The following PDSS2 variants were observed in gnomAD, a reference collection of about 807,000 sequenced individuals.
PDSS2 encodes the protein decaprenyl diphosphate synthase subunit 2.
A neutral mutation model predicts 44.5 loss-of-function variants in PDSS2; 31 were observed. That is an observed-to-expected ratio of 0.70 (90% CI 0.52 to 0.94). The LOEUF is 0.94. Among genes scored for constraint, PDSS2 ranks in the 40% least tolerant of loss-of-function variants. PDSS2 has a pLI of 0.00. For synonymous variants in PDSS2, 157 were observed against 180.3 expected, an observed-to-expected ratio of 0.87 and a Z score of 1.03; for missense variants, 452 against 482.2, an observed-to-expected ratio of 0.94 and a Z score of 0.59.
At chr6:107,277,384 G>A (rs1775818890) in intron 2 of PDSS2, among the ~76,000 whole-genome samples, 1 of 152,224 alleles carries the variant, frequency 6.6e-6, no homozygotes, top group African/African-American at 2.4e-5. Flanking sequence ...ACAGTAAAGG[G>A]ACTGTGTGGA....
At chr6:107,266,887 G>A (rs1483625169) in intron 3 of PDSS2, among the ~76,000 whole-genome samples, 3 of 152,002 alleles carry the variant, frequency 2.0e-5, no homozygotes, top group Non-Finnish European at 2.9e-5. Flanking sequence ...TGGGAGTAAA[G>A]CTTCCATTTT....
chr6:107,356,419 GA>G (rs1778598835), intron 1 of PDSS2, among the ~76,000 whole-genome samples: 1 of 152,174 alleles, frequency 6.6e-6, no homozygotes, highest in South Asian at 2.1e-4. Context: ...CAACAGTAAT[GA>G]AAATTCAGGT....
intron 1 of PDSS2, among the ~76,000 whole-genome samples, chr6:107,354,329 T>G (rs1179735255): frequency 6.6e-6 from 1 of 152,232 alleles, no homozygotes; most frequent in African/African-American, 2.4e-5. Context: ...TTTGCCATCT[T>G]TTCTTAAAGA....
intron 2 of PDSS2, among the ~76,000 whole-genome samples, chr6:107,298,321 CT>C (rs1562444571): frequency 6.6e-6 from 1 of 151,902 alleles, no homozygotes; most frequent in Non-Finnish European, 1.5e-5. Context: ...CACGAGCAGA[CT>C]TTTTTCCTGG....
At chr6:107,350,329 T>C (rs777914730) in intron 1 of PDSS2, among the ~76,000 whole-genome samples, 24 of 152,222 alleles carry the variant, frequency 1.6e-4, no homozygotes, top group Non-Finnish European at 2.4e-4. Context: ...GGAAAAACGT[T>C]GGTGGGTACT....
intron 1 of PDSS2, among the ~76,000 whole-genome samples, chr6:107,393,921 A>G (rs1779860120): frequency 1.3e-5 from 2 of 152,140 alleles, no homozygotes; most frequent in African/African-American, 2.4e-5. Context: ...TGTTTGATAC[A>G]TATTTTTCTA....
chr6:107,175,448 A>T (rs1426656219), intron 7 of PDSS2, among the ~76,000 whole-genome samples: 1 of 152,164 alleles, frequency 6.6e-6, no homozygotes, highest in Non-Finnish European at 1.5e-5. Flanking sequence ...TCACTCTTAA[A>T]CAAACCAGAA....
At chr6:107,257,490 T>C (rs1775062779) in intron 3 of PDSS2, among the ~76,000 whole-genome samples, 1 of 152,072 alleles carries the variant, frequency 6.6e-6, no homozygotes, top group South Asian at 2.1e-4. Context: ...TGAGTGACAA[T>C]AGCCCCACTG....
At chr6:107,190,962 G>A (rs1772355568) in intron 7 of PDSS2, among the ~76,000 whole-genome samples, 1 of 152,104 alleles carries the variant, frequency 6.6e-6, no homozygotes, top group African/African-American at 2.4e-5. Context: ...CGTGATCTCG[G>A]CTCACTGCAA....
At chr6:107,365,095 TG>T (rs2061512105) in intron 1 of PDSS2, among the ~76,000 whole-genome samples, 2 of 152,128 alleles carry the variant, frequency 1.3e-5, no homozygotes, top group Non-Finnish European at 2.9e-5. Context: ...AGTGAATAGG[TG>T]GGTAAATGTA....
At chr6:107,457,962 T>G (rs1022217730) in intron 1 of PDSS2, among the ~76,000 whole-genome samples, 1 of 152,036 alleles carries the variant, frequency 6.6e-6, no homozygotes, top group Non-Finnish European at 1.5e-5. Context: ...CAATCTACCA[T>G]CAAATGATTC....
At chr6:107,320,785 C>T (rs1009065400) in intron 2 of PDSS2, among the ~76,000 whole-genome samples, 14 of 152,190 alleles carry the variant, frequency 9.2e-5, no homozygotes, top group African/African-American at 3.1e-4. Flanking sequence ...TGAGTGCCCA[C>T]CATAGTGCTG....
rs3764914 is a variant in PDSS2, at chr6:107,334,154, A to C, written c.431+44T>G. The C allele has an allele frequency of 0.011, 17,651 of 1,570,348 alleles. 946 individuals carry two copies. In the East Asian group the frequency reaches 0.18, roughly 16 times the overall value. ...CACTGACCTCTGTCCAGTAAAAGAA[A>C]ACACGATGTAGAGAGCAATGTCAAA... On this transcript the variant is annotated intron_variant, in intron 2 of 7. Coordinates refer to ENST00000369037, the MANE Select transcript of PDSS2 (RefSeq NM_020381.4).
intron 1 of PDSS2, among the ~76,000 whole-genome samples, chr6:107,393,601 T>C (rs1182550961): frequency 6.6e-6 from 1 of 152,198 alleles, no homozygotes. Context: ...GAGAGGAGTA[T>C]TAAAATCTCC....
Position 107,274,087 on chromosome 6 carries a change from C to T in PDSS2, c.572G>A (p.Ser191Asn), listed in dbSNP as rs1386800330. The change falls in exon 3 of 8, where the codon AGT becomes AAT. Residue 191 changes from serine (S) to asparagine (N), a missense_variant. Coordinates refer to ENST00000369037, the MANE Select transcript of PDSS2 (RefSeq NM_020381.4). ...GGCATTTGCTAGAAGAAAGTCTCCA[C>T]TCAGGATAGCAATTTTATTTCCAAA... Reference protein sequence around the residue: ...MQFGNKIAILSGDFLLANACN... With the variant: ...MQFGNKIAILNGDFLLANACN... The T allele has an allele frequency of 1.2e-6, 2 of 1,614,100 alleles. No homozygotes were observed. Among genetic ancestry groups the T allele is most frequent in the South Asian group, 1.1e-5 (1 of 91,078 alleles).
intron 1 of PDSS2, among the ~76,000 whole-genome samples, chr6:107,351,758 A>G (rs901976025): frequency 2.0e-5 from 3 of 152,198 alleles, no homozygotes; most frequent in African/African-American, 7.2e-5. Context: ...AAGGTCTAAT[A>G]TTCTCATATT....
Position 107,393,454 on chromosome 6 carries a change from T to A in PDSS2, c.297-59122A>T, listed in dbSNP as rs919413901. Among the ~76,000 whole-genome samples, 4 of 152,062 alleles carry A rather than the reference T, an allele frequency of 2.6e-5. No individual in the cohort carries two copies. In the South Asian group the frequency reaches 6.2e-4, roughly 24 times the overall value. Reference sequence around the variant, plus strand: ...ATCTAAGTGAAGTTCTATGTGCACTTAAAAAAAAGAATGTTTACTCTGTAC... The same window carrying A: ...ATCTAAGTGAAGTTCTATGTGCACTAAAAAAAAAGAATGTTTACTCTGTAC... On this transcript the variant is annotated intron_variant, in intron 1 of 7. Coordinates refer to ENST00000369037, the MANE Select transcript of PDSS2 (RefSeq NM_020381.4).
chr6:107,155,139 TC>T (rs1363387718), intron 7 of PDSS2, among the ~76,000 whole-genome samples: 1 of 134,670 alleles, frequency 7.4e-6, no homozygotes, highest in East Asian at 2.2e-4. Context: ...CTGATATTCT[TC>T]CCTTTTTTTT....
At chr6:107,346,424 T>G (rs1249218737) in intron 1 of PDSS2, among the ~76,000 whole-genome samples, 1 of 152,250 alleles carries the variant, frequency 6.6e-6, no homozygotes, top group African/African-American at 2.4e-5. Flanking sequence ...GAATAATTTA[T>G]TTTTTCCATA....
Sources: gnomAD v4.1 joint callset for allele counts (sites outside exome capture counted in the v4.1 genomes callset) on GRCh38, gnomAD v4.1.1 for gene constraint, MANE v1.5 for transcripts, NCBI Gene and HGNC (gene_info 2026-07-23, HGNC 2026-07-21) for gene names.